Variants in CYB5A observed in about 807,000 individuals in gnomAD.
CYB5A encodes cytochrome b5.
In CYB5A, 10 loss-of-function variants were observed where a neutral mutation model predicts 16.2. The ratio of observed to expected loss-of-function variants is 0.62; its 90% confidence interval spans 0.38 to 1.04. The LOEUF (loss-of-function observed/expected upper bound fraction) is 1.04. Ranked by LOEUF, CYB5A falls within the 50% of genes least tolerant of loss-of-function variation. CYB5A has a pLI of 0.01. For missense variants in CYB5A, 161 were observed against 165.9 expected, an observed-to-expected ratio of 0.97 and a Z score of 0.16; for synonymous variants, 62 against 57.0, an observed-to-expected ratio of 1.09 and a Z score of -0.40.
At chr18:74,268,896 G>A (rs1243606188) in intron 1 of CYB5A, among the ~76,000 whole-genome samples, 2 of 152,090 alleles carry the variant, frequency 1.3e-5, no homozygotes, top group South Asian at 2.1e-4. Flanking sequence ...AGGCTTTTGC[G>A]AAATCTCCAC....
At chr18:74,260,215 T>C (rs1982145529) in intron 3 of CYB5A, 1 of 152,362 alleles carries the variant, frequency 6.6e-6, no homozygotes, top group Non-Finnish European at 1.5e-5. Flanking sequence ...TTTTTTGTCA[T>C]TTGATTTAAG....
intron 1 of CYB5A, among the ~76,000 whole-genome samples, chr18:74,268,217 T>C (rs931484806): frequency 6.6e-6 from 1 of 151,730 alleles, no homozygotes; most frequent in Non-Finnish European, 1.5e-5. Flanking sequence ...TGTCCTCAGG[T>C]GAAAGAGTTT....
At chr18:74,263,698 C>T (rs1264705381) in intron 1 of CYB5A, among the ~76,000 whole-genome samples, 1 of 152,080 alleles carries the variant, frequency 6.6e-6, no homozygotes, top group African/African-American at 2.4e-5. Context: ...CACTTGGGCC[C>T]AAGTTCAAAG....
At chr18:74,291,320 G>A (rs72963833) in intron 1 of CYB5A, among the ~76,000 whole-genome samples, 18,088 of 152,306 alleles carry the variant, frequency 0.12, 1,389 homozygotes, top group Admixed American at 0.19. Flanking sequence ...GCACCACCTA[G>A]CGAGGATGCC....
intron 1 of CYB5A, among the ~76,000 whole-genome samples, chr18:74,288,876 A>C (rs1268568130): frequency 6.6e-6 from 1 of 152,208 alleles, no homozygotes; most frequent in African/African-American, 2.4e-5. Flanking sequence ...AAATGGAAAA[A>C]CACGTCCATA....
At chr18:74,265,076 G>T (rs997323302) in intron 1 of CYB5A, among the ~76,000 whole-genome samples, 17 of 152,314 alleles carry the variant, frequency 1.1e-4, no homozygotes, top group Non-Finnish European at 2.2e-4. Flanking sequence ...GTCGACTGTG[G>T]TCAGTCCTTA....
intron 1 of CYB5A, among the ~76,000 whole-genome samples, chr18:74,269,682 T>G (rs1982595167): frequency 6.6e-6 from 1 of 152,158 alleles, no homozygotes; most frequent in African/African-American, 2.4e-5. Flanking sequence ...GAGTCAAGTT[T>G]TATTCCTCTT....
rs765873675 is a variant in CYB5A, at chr18:74,260,928, A to T, written c.275T>A (p.Leu92Ter). 1.2e-6 allele frequency: 2 copies of T among 1,612,938 alleles called. No homozygotes were observed. Among genetic ancestry groups the T allele is most frequent in the Non-Finnish European group, 1.7e-6 (2 of 1,178,984 alleles). The stretch of plus-strand genomic sequence containing the variant: ...GGTCACACTTACCGGAGGCTTGTTT[A>T]ACTTTGGTCTGTCATCCTGCAATGA... Reference protein sequence around the residue: ...GELHPDDRPKLNKPPETLITT... With the variant: ...GELHPDDRPK Residue 92 changes from leucine (L) to a stop codon, truncating the protein, a stop_gained, in exon 3 of 5, where the codon TTA becomes TAA. Transcript: ENST00000340533. LOFTEE classifies it high-confidence loss of function.
chr18:74,255,879 G>T, intron 3 of CYB5A, 104 bp from the exon 4 acceptor site: 1 of 891,892 alleles, frequency 1.1e-6, no homozygotes, highest in Non-Finnish European at 1.9e-6. Flanking sequence ...TTTATGCAAT[G>T]CATTCTTCAG....
rs1369439214 is a variant in CYB5A, at chr18:74,253,102, A to G, written c.*482T>C. On this transcript the variant is annotated 3_prime_UTR_variant, in exon 5 of 5. Coordinates refer to ENST00000340533, the MANE Select transcript of CYB5A (RefSeq NM_148923.4). The stretch of plus-strand genomic sequence containing the variant: ...TTAATTTCCTTGAAAAAAAGAAACT[A>G]TATCGGAAGCATACAATACATGGTT... 6.3e-6 allele frequency: 1 copy of G among 158,252 alleles called. No homozygotes were observed. Among genetic ancestry groups the G allele is most frequent in the African/African-American group, 2.4e-5 (1 of 41,492 alleles). The allele number at this position is 158,252 out of a possible 1,614,324, so 9.8% of individuals were successfully genotyped here. A position where few individuals can be genotyped will look rare whatever the true frequency, so the allele number is the denominator to read the frequency against.
chr18:74,275,743 G>A (rs1347316224), intron 1 of CYB5A, among the ~76,000 whole-genome samples: 1 of 152,176 alleles, frequency 6.6e-6, no homozygotes, highest in Non-Finnish European at 1.5e-5. Context: ...ATTGTTGCCT[G>A]AACACAGCAG....
intron 1 of CYB5A, among the ~76,000 whole-genome samples, chr18:74,285,827 C>A (rs59788176): frequency 0.044 from 5,703 of 130,492 alleles, 387 homozygotes; most frequent in African/African-American, 0.16. Flanking sequence ...CTGGGCAACA[C>A]AGCAAGACCC....
At position 74,263,210 on chromosome 18, in the gene CYB5A, A is replaced by G. The variant is rs939352665; in HGVS notation, c.258+139T>C. On this transcript the variant is annotated intron_variant, in intron 2 of 4. Transcript: ENST00000340533. ...CATTTTTGGTCAATTTATTTATAAC[A>G]AAAAATGGTGTCCTAAAATCAGGAG... is the stretch of plus-strand genomic sequence containing the variant. The G allele has an allele frequency of 7.0e-6, 8 of 1,139,326 alleles. No homozygotes were observed. The African/African-American group carries it at 1.2e-4, about 18-fold the overall frequency. 70.6% of individuals were successfully genotyped at this position (1,139,326 alleles called of 1,614,324 possible). A position where few individuals can be genotyped will look rare whatever the true frequency, so the allele number is the denominator to read the frequency against.
At chr18:74,277,743 G>T (rs114814154) in intron 1 of CYB5A, among the ~76,000 whole-genome samples, 1 of 152,168 alleles carries the variant, frequency 6.6e-6, no homozygotes, top group Non-Finnish European at 1.5e-5. Flanking sequence ...GCAGGAGCTC[G>T]CCAGGTGAGC....
At chr18:74,259,889 G>A (rs1453889465) in intron 3 of CYB5A, 2 of 152,018 alleles carry the variant, frequency 1.3e-5, no homozygotes, top group African/African-American at 4.8e-5. Flanking sequence ...TTTATCTCCT[G>A]GAAGTACTCA....
chr18:74,268,737 G>A (rs1982549260), intron 1 of CYB5A, among the ~76,000 whole-genome samples: 1 of 152,118 alleles, frequency 6.6e-6, no homozygotes, highest in Non-Finnish European at 1.5e-5. Flanking sequence ...AGTGCCACTG[G>A]AGCCAATGTT....
intron 1 of CYB5A, among the ~76,000 whole-genome samples, chr18:74,282,817 G>A (rs1983170329): frequency 6.6e-6 from 1 of 152,152 alleles, no homozygotes; most frequent in African/African-American, 2.4e-5. Flanking sequence ...ATCATTCAGA[G>A]CTTTCCAAAC....
intron 1 of CYB5A, among the ~76,000 whole-genome samples, chr18:74,264,053 A>T (rs962127545): frequency 7.2e-5 from 11 of 152,192 alleles, no homozygotes; most frequent in African/African-American, 2.4e-4. Context: ...TCTACAAAAA[A>T]TACAAAAATT....
chr18:74,271,474 T>C (rs1790888), intron 1 of CYB5A, among the ~76,000 whole-genome samples: 34,894 of 152,162 alleles, frequency 0.23, 4,297 homozygotes, highest in South Asian at 0.3. Context: ...AGTTTGATGA[T>C]TCTCACCTTA....
Sources: allele counts gnomAD v4.1 joint callset (sites outside exome capture counted in the v4.1 genomes callset), GRCh38; gene constraint gnomAD v4.1.1; transcripts MANE v1.5; gene names NCBI Gene and HGNC (gene_info 2026-07-23, HGNC 2026-07-21).